The following CNBD1 variants were observed in gnomAD, a reference collection of about 807,000 sequenced individuals.
The protein encoded by CNBD1 is cyclic nucleotide-binding domain-containing protein 1.
A neutral mutation model predicts 54.4 loss-of-function variants in CNBD1; 71 were observed. That is an observed-to-expected ratio of 1.30 (90% CI 1.08 to 1.59). The LOEUF (loss-of-function observed/expected upper bound fraction) is 1.59, where lower values mean the gene tolerates loss of function less well. Among genes scored for constraint, CNBD1 ranks in the 40% most tolerant of loss-of-function variants. CNBD1 has a pLI of 0.00. For missense variants in CNBD1, 659 were observed against 518.0 expected (o/e 1.27, Z -2.64); for synonymous variants, 182 against 170.7 (o/e 1.07, Z -0.51).
chr8:87,084,338 A>G (rs1046331996), intron 4 of CNBD1, among the ~76,000 whole-genome samples: 1 of 152,166 alleles, frequency 6.6e-6, no homozygotes, highest in Non-Finnish European at 1.5e-5. Context: ...ACTGGAAAAA[A>G]TTGAGTTAAT....
chr8:87,423,455 T>TAAA (rs1188403020), intron 2 of CNBD1, among the ~76,000 whole-genome samples: 10 of 152,014 alleles, frequency 6.6e-5, no homozygotes, highest in African/African-American at 2.4e-4. Flanking sequence ...GTCCCATCAG[T>TAAA]ACCTACTTTA....
intron 1 of CNBD1, among the ~76,000 whole-genome samples, chr8:86,872,603 A>AT (rs1808457347): frequency 6.6e-6 from 1 of 152,030 alleles, no homozygotes; most frequent in Admixed American, 6.5e-5. Flanking sequence ...TTATCTTTAG[A>AT]TTTTTGATAG....
intron 4 of CNBD1, among the ~76,000 whole-genome samples, chr8:87,202,249 A>G (rs961295360): frequency 6.6e-6 from 1 of 152,226 alleles, no homozygotes; most frequent in Non-Finnish European, 1.5e-5. Flanking sequence ...AGCAATAGAT[A>G]AGTCCATAAT....
At position 87,262,226 on chromosome 8, in the gene CNBD1, G is replaced by A. The variant is rs182609816; in HGVS notation, c.772-22452G>A. On this transcript the variant is annotated intron_variant, in intron 6 of 10. Coordinates refer to ENST00000518476, the MANE Select transcript of CNBD1 (RefSeq NM_173538.3). ...GAACATTATGTTTTTATTAGATGTCGAAATATAAAAACTAGAAGCAGAATG... is the reference window on the plus strand; with the variant it reads ...GAACATTATGTTTTTATTAGATGTCAAAATATAAAAACTAGAAGCAGAATG... 2.1e-3 allele frequency among the ~76,000 whole-genome samples: 314 copies of A among 152,178 alleles called. 1 individual carries two copies. Among genetic ancestry groups the A allele is most frequent in the South Asian group, 4.4e-3 (21 of 4,818 alleles).
intron 4 of CNBD1, among the ~76,000 whole-genome samples, chr8:87,111,072 CT>C (rs1811652536): frequency 6.6e-6 from 1 of 152,194 alleles, no homozygotes; most frequent in African/African-American, 2.4e-5. Context: ...GCTATCACTT[CT>C]GCACCTCAGA....
At chr8:87,116,776 A>G (rs565251014) in intron 4 of CNBD1, among the ~76,000 whole-genome samples, 1 of 152,262 alleles carries the variant, frequency 6.6e-6, no homozygotes, top group African/African-American at 2.4e-5. Flanking sequence ...GTTAGGCCTG[A>G]GGTCAACTGC....
At chr8:87,080,374 G>A (rs1027887372) in intron 4 of CNBD1, among the ~76,000 whole-genome samples, 17 of 152,198 alleles carry the variant, frequency 1.1e-4, no homozygotes, top group African/African-American at 4.1e-4. Flanking sequence ...ACAAGGTCAG[G>A]AGTTTGAGAC....
intron 3 of CNBD1, among the ~76,000 whole-genome samples, chr8:86,935,231 T>C (rs1188446350): frequency 1.3e-5 from 2 of 151,860 alleles, no homozygotes; most frequent in Non-Finnish European, 2.9e-5. Context: ...AGAGACAGGG[T>C]TTCACTGTGT....
rs182225529 is a variant in CNBD1 at position 87,397,777 on chromosome 8, C to T, written c.214-30769C>T. ...ATCTCATTTTGTAGCTCCCATAATT[C>T]CCTTGTGTTGTGGGAGGGACATGGT... On this transcript the variant is annotated intron_variant, in intron 2 of 7. Coordinates refer to the CNBD1 transcript ENST00000521593. Among the ~76,000 whole-genome samples the T allele has an allele frequency of 2.0e-5, 3 of 152,034 alleles. 1 individual carries two copies. The highest frequency in any genetic ancestry group is 7.2e-5 in the African/African-American group (3 of 41,526).
chr8:87,227,736 G>A (rs933400040), intron 5 of CNBD1, among the ~76,000 whole-genome samples: 12 of 148,906 alleles, frequency 8.1e-5, no homozygotes, highest in Admixed American at 3.4e-4. Flanking sequence ...TGCTCTTCTC[G>A]AGGAGTATCT....
chr8:87,422,044 CAT>C (rs1807948957), intron 2 of CNBD1, among the ~76,000 whole-genome samples: 1 of 147,556 alleles, frequency 6.8e-6, no homozygotes, highest in Admixed American at 6.7e-5. Context: ...AGCATTTCTT[CAT>C]GTGTTTTTTG....
At chr8:87,083,750 G>A (rs567206757) in intron 4 of CNBD1, among the ~76,000 whole-genome samples, 13 of 151,734 alleles carry the variant, frequency 8.6e-5, no homozygotes, top group African/African-American at 1.2e-4. Context: ...CACCACACCC[G>A]GCTAATTTTT....
chr8:87,037,662 G>A (rs932210073), intron 4 of CNBD1, among the ~76,000 whole-genome samples: 1 of 152,020 alleles, frequency 6.6e-6, no homozygotes, highest in African/African-American at 2.4e-5. Flanking sequence ...ATTTATTAGT[G>A]TCCTTTTATT....
chr8:87,343,967 AG>A (rs1425890948), intron 8 of CNBD1, among the ~76,000 whole-genome samples: 20 of 152,140 alleles, frequency 1.3e-4, no homozygotes, highest in African/African-American at 4.3e-4. Flanking sequence ...TTCCTATAAA[AG>A]CTCTAACAAC....
chr8:87,105,195 C>T (rs1285513647), intron 4 of CNBD1, among the ~76,000 whole-genome samples: 1 of 152,020 alleles, frequency 6.6e-6, no homozygotes, highest in African/African-American at 2.4e-5. Flanking sequence ...TACCAGTTAG[C>T]TTAGGATAAC....
chr8:86,932,526 A>T (rs941276808), intron 3 of CNBD1, among the ~76,000 whole-genome samples: 13 of 152,148 alleles, frequency 8.5e-5, no homozygotes, highest in Non-Finnish European at 1.5e-4. Context: ...AACTTTGCAT[A>T]GTTGTGGATT....
chr8:87,185,856 G>A (rs1165724186), intron 4 of CNBD1, among the ~76,000 whole-genome samples: 2 of 152,090 alleles, frequency 1.3e-5, no homozygotes, highest in Non-Finnish European at 2.9e-5. Flanking sequence ...ACCCACGTAA[G>A]TTCCTTTGAC....
chr8:87,242,805 C>T (rs1003763394), intron 6 of CNBD1, among the ~76,000 whole-genome samples: 5 of 152,218 alleles, frequency 3.3e-5, no homozygotes, highest in African/African-American at 4.8e-5. Context: ...TTTTCATAGA[C>T]AATAATTTAA....
At chr8:87,183,488 G>A (rs1049574434) in intron 4 of CNBD1, among the ~76,000 whole-genome samples, 4 of 147,882 alleles carry the variant, frequency 2.7e-5, no homozygotes, top group Admixed American at 6.8e-5. Context: ...CTTGTATCTC[G>A]ATGAGTTTTC....
Sources: gnomAD v4.1 joint callset for allele counts (sites outside exome capture counted in the v4.1 genomes callset) on GRCh38, gnomAD v4.1.1 for gene constraint, MANE v1.5 for transcripts, NCBI Gene and HGNC (gene_info 2026-07-23, HGNC 2026-07-21) for gene names.